Variants in GPC3 observed in about 807,000 individuals in gnomAD.
The protein encoded by GPC3 is glypican-3.
GPC3 carries 3 observed loss-of-function variants against 34.4 expected under a neutral mutation model. That is an observed-to-expected ratio of 0.09 (90% CI 0.04 to 0.23). The LOEUF (loss-of-function observed/expected upper bound fraction) is 0.23, where lower values mean the gene tolerates loss of function less well. Ranked by LOEUF, GPC3 falls within the 10% of genes least tolerant of loss-of-function variation. GPC3 has a pLI of 1.00. For missense variants in GPC3, 351 were observed against 445.6 expected (o/e 0.79, Z 1.91); for synonymous variants, 177 against 174.0 (o/e 1.02, Z -0.13).
chrX:133,977,899 G>A (rs2076523250), intron 1 of GPC3, among the ~76,000 whole-genome samples: 2 of 111,225 alleles, frequency 1.8e-5, no homozygotes, highest in African/African-American at 6.5e-5. Context: ...TTTCCATGGC[G>A]GAAAATTCAC....
intron 7 of GPC3, among the ~76,000 whole-genome samples, chrX:133,546,731 A>T (rs1338412810): frequency 8.9e-6 from 1 of 112,453 alleles, no homozygotes; most frequent in Non-Finnish European, 1.9e-5. Context: ...GTTGGTAGAG[A>T]TGTAAACAAC....
intron 2 of GPC3, among the ~76,000 whole-genome samples, chrX:133,772,466 C>T (rs935390554): frequency 1.8e-5 from 2 of 111,716 alleles, no homozygotes; most frequent in Non-Finnish European, 3.8e-5. Context: ...CCTGGAATCA[C>T]GTCTCTTTCA....
chrX:133,891,640 T>C (rs1023422193), intron 2 of GPC3, among the ~76,000 whole-genome samples: 1 of 106,737 alleles, frequency 9.4e-6, no homozygotes, highest in African/African-American at 3.4e-5. Flanking sequence ...AAATAAATAA[T>C]TATTATAATA....
At chrX:133,945,741 G>A (rs1332548180) in intron 2 of GPC3, among the ~76,000 whole-genome samples, 2 of 105,855 alleles carry the variant, frequency 1.9e-5, no homozygotes, top group Non-Finnish European at 3.9e-5. Context: ...GTGACAGAGA[G>A]AGACTCCGTC....
Position 133,754,117 on chromosome X carries a change from T to G in GPC3, c.397A>C (p.Asn133His), listed in dbSNP as rs1339940057. The G allele has an allele frequency of 5.8e-6, 7 of 1,207,050 alleles. No individual in the cohort carries two copies. Among genetic ancestry groups the G allele is most frequent in the African/African-American group, 1.8e-5 (1 of 56,437 alleles). ...KNYTNAMFKN[N>H]YPSLTPQAFE... ...GCTTGTGGAGTCAGGCTTGGGTAGT[T>G]GTTCTTGAACATGGCATTGGTGTAG... The change falls in exon 3 of 8, where the codon AAC becomes CAC. Residue 133 changes from asparagine to histidine, a missense_variant. By Grantham distance (68) the Asn-to-His change is moderately conservative (BLOSUM62 1). Coordinates refer to ENST00000370818, the MANE Select transcript of GPC3 (RefSeq NM_004484.4).
intron 7 of GPC3, among the ~76,000 whole-genome samples, chrX:133,580,222 G>A (rs2069720762): frequency 8.9e-6 from 1 of 111,898 alleles, no homozygotes; most frequent in Non-Finnish European, 1.9e-5. Context: ...GGCTATTGGT[G>A]AGAAGACTAC....
intron 7 of GPC3, among the ~76,000 whole-genome samples, chrX:133,540,212 A>G (rs1325169227): frequency 8.8e-6 from 1 of 113,045 alleles, no homozygotes; most frequent in Non-Finnish European, 1.9e-5. Flanking sequence ...GTATCTACCC[A>G]AAGGAAAAGA....
At chrX:133,631,113 AAC>A (rs1300941725) in intron 6 of GPC3, among the ~76,000 whole-genome samples, 5 of 112,040 alleles carry the variant, frequency 4.5e-5, no homozygotes, top group South Asian at 3.7e-4. Flanking sequence ...CTTGTAGTAA[AAC>A]ACACAAAAAT....
At chrX:133,747,963 G>A (rs771443259) in intron 3 of GPC3, among the ~76,000 whole-genome samples, 4 of 112,182 alleles carry the variant, frequency 3.6e-5, no homozygotes, top group Admixed American at 1.9e-4. Context: ...GAAATGCTGA[G>A]ATGAATCAAT....
chrX:133,691,859 T>G (rs1264953642), intron 5 of GPC3, among the ~76,000 whole-genome samples: 1 of 112,565 alleles, frequency 8.9e-6, no homozygotes, highest in Non-Finnish European at 1.9e-5. Flanking sequence ...TTAAACTCTG[T>G]AAAATTGCCT....
chrX:133,904,965 A>G (rs1264735598), intron 2 of GPC3, among the ~76,000 whole-genome samples: 5 of 112,269 alleles, frequency 4.5e-5, no homozygotes, highest in Non-Finnish European at 9.4e-5. Context: ...CCATTTGTAC[A>G]TGACCTTATG....
At position 133,738,726 on chromosome X, in the gene GPC3, T is replaced by C. The variant is rs972423236; in HGVS notation, c.1032+14756A>G. Among the ~76,000 whole-genome samples the C allele has an allele frequency of 9.8e-5, 11 of 112,016 alleles. No homozygotes were observed. In the East Asian group the frequency reaches 2.3e-3, roughly 23 times the overall value. ...AGAAGATGAATGCTAAAAATCCCCA[T>C]AGGGAATCCAGATATATCACACTGC... On this transcript the variant is annotated intron_variant, in intron 3 of 7. Transcript: ENST00000370818.
At chrX:133,824,799 A>C (rs2075738066) in intron 2 of GPC3, among the ~76,000 whole-genome samples, 1 of 112,596 alleles carries the variant, frequency 8.9e-6, no homozygotes, top group African/African-American at 3.2e-5. Flanking sequence ...AATACCAAAA[A>C]AATTGCTCTC....
chrX:133,700,086 C>A, intron 3 of GPC3, 58 bp from the exon 4 acceptor site: 2 of 955,101 alleles, frequency 2.1e-6, no homozygotes, highest in Non-Finnish European at 3.0e-6. Context: ...ATAGTAGAAA[C>A]AAATTCTGAA....
chrX:133,563,034 T>G (rs1454546628), intron 7 of GPC3, among the ~76,000 whole-genome samples: 1 of 111,356 alleles, frequency 9.0e-6, no homozygotes, highest in Admixed American at 9.6e-5. Flanking sequence ...CAGGGAGAGA[T>G]AAAAAGGACA....
chrX:133,745,324 T>C lies in GPC3; in HGVS notation c.1032+8158A>G, dbSNP rs1000350455. Among the ~76,000 whole-genome samples the C allele has an allele frequency of 6.2e-5, 7 of 112,006 alleles. No homozygotes were observed. The Admixed American group carries it at 6.6e-4, about 11-fold the overall frequency. ...CTCTGAGTGTCACTGCCAGCAGGCA[T>C]GGATAAGCATGTGCCTACCACTCTG... On this transcript the variant is annotated intron_variant, in intron 3 of 7. Transcript: ENST00000370818.
intron 5 of GPC3, among the ~76,000 whole-genome samples, chrX:133,663,488 G>C (rs2070743096): frequency 9.0e-6 from 1 of 110,770 alleles, no homozygotes; most frequent in Non-Finnish European, 1.9e-5. Context: ...CTGGGCTCAA[G>C]TGATCCTCCT....
intron 2 of GPC3, among the ~76,000 whole-genome samples, chrX:133,759,205 A>G (rs948552089): frequency 2.7e-5 from 3 of 112,099 alleles, no homozygotes; most frequent in African/African-American, 9.7e-5. Context: ...TTCCAACATG[A>G]TCTATAAATT....
chrX:133,817,157 TCC>T (rs1169126615), intron 2 of GPC3, among the ~76,000 whole-genome samples: 3 of 111,771 alleles, frequency 2.7e-5, no homozygotes, highest in Non-Finnish European at 5.6e-5. Context: ...TCCTCTGTTT[TCC>T]CCCATATATC....
Sources: gnomAD v4.1 joint callset for allele counts (sites outside exome capture counted in the v4.1 genomes callset) on GRCh38, gnomAD v4.1.1 for gene constraint, MANE v1.5 for transcripts, NCBI Gene and HGNC (gene_info 2026-07-23, HGNC 2026-07-21) for gene names.